The following GALNTL6 variants were observed in gnomAD, a reference collection of about 807,000 sequenced individuals.
GALNTL6 encodes the protein polypeptide N-acetylgalactosaminyltransferase like 6.
GALNTL6 carries 46 observed loss-of-function variants against 73.7 expected under a neutral mutation model. That is an observed-to-expected ratio of 0.62 (90% CI 0.49 to 0.80). The LOEUF (loss-of-function observed/expected upper bound fraction) is 0.80, where lower values mean the gene tolerates loss of function less well. Ranked by LOEUF, GALNTL6 falls within the 30% of genes least tolerant of loss-of-function variation. GALNTL6 has a pLI of 0.00. For missense variants in GALNTL6, 604 were observed against 755.0 expected, an observed-to-expected ratio of 0.80 and a Z score of 2.34; for synonymous variants, 259 against 263.7, an observed-to-expected ratio of 0.98 and a Z score of 0.17.
chr4:172,964,180 G>A (rs1750219877), intron 10 of GALNTL6, among the ~76,000 whole-genome samples: 1 of 152,178 alleles, frequency 6.6e-6, no homozygotes, highest in Non-Finnish European at 1.5e-5. Flanking sequence ...CACATATGGA[G>A]TGCCTCTTTT....
rs140940680 is a variant in GALNTL6, at chr4:173,015,188, T to G, written c.1488+5894T>G. ...TGTGAATGAATTAAACATCTCTCAT[T>G]TATAATTTACTCAGTCTCAGGTATG... On this transcript the variant is annotated intron_variant, in intron 11 of 12. Transcript: ENST00000506823. 2.6e-3 allele frequency among the ~76,000 whole-genome samples: 392 copies of G among 152,332 alleles called. 7 individuals are homozygous for G. The highest frequency in any genetic ancestry group is 1.4e-3 in the Non-Finnish European group (97 of 68,034).
At chr4:171,985,894 C>T (rs901964358) in intron 2 of GALNTL6, among the ~76,000 whole-genome samples, 28 of 151,644 alleles carry the variant, frequency 1.8e-4, no homozygotes, top group Admixed American at 1.6e-3. Flanking sequence ...AAAAATTAGC[C>T]GGGCGTGGTA....
chr4:172,570,379 G>A (rs185949880), intron 5 of GALNTL6, among the ~76,000 whole-genome samples: 2 of 152,186 alleles, frequency 1.3e-5, no homozygotes, highest in Non-Finnish European at 2.9e-5. Flanking sequence ...CCTAATACAA[G>A]TGGATGCTGT....
intron 5 of GALNTL6, among the ~76,000 whole-genome samples, chr4:172,681,509 T>C (rs1579330050): frequency 2.0e-5 from 3 of 152,296 alleles, no homozygotes; most frequent in East Asian, 1.9e-4. Flanking sequence ...ATTAGAAATA[T>C]TAAAATGAAT....
intron 5 of GALNTL6, among the ~76,000 whole-genome samples, chr4:172,782,378 A>C (rs1052651133): frequency 4.6e-5 from 7 of 152,106 alleles, no homozygotes; most frequent in African/African-American, 1.7e-4. Flanking sequence ...GAGAGGAAGC[A>C]ATTATATTTG....
chr4:172,546,788 A>ATATATATACGTATATATACG (rs1182195328), intron 5 of GALNTL6, among the ~76,000 whole-genome samples: 2 of 45,890 alleles, frequency 4.4e-5, no homozygotes, highest in Non-Finnish European at 1.0e-4. Context: ...TCCGCTTTAT[A>ATATATATACGTATATATACG]TATATATACG....
intron 7 of GALNTL6, among the ~76,000 whole-genome samples, chr4:172,848,185 A>T (rs985708147): frequency 1.1e-4 from 16 of 152,174 alleles, no homozygotes; most frequent in African/African-American, 3.4e-4. Flanking sequence ...TCTCGTGTAC[A>T]TGACCCTGAA....
chr4:172,892,855 G>T (rs1425880778), intron 8 of GALNTL6, among the ~76,000 whole-genome samples: 1 of 152,062 alleles, frequency 6.6e-6, no homozygotes, highest in Non-Finnish European at 1.5e-5. Context: ...CTCCCTCAGG[G>T]GCAGCCCAAG....
chr4:172,134,554 GA>G (rs1454912044), intron 2 of GALNTL6, among the ~76,000 whole-genome samples: 3 of 152,100 alleles, frequency 2.0e-5, no homozygotes, highest in Non-Finnish European at 4.4e-5. Flanking sequence ...TATAACATGA[GA>G]AACATGATTG....
chr4:171,841,496 C>T (rs1197130077), intron 2 of GALNTL6, among the ~76,000 whole-genome samples: 1 of 151,952 alleles, frequency 6.6e-6, no homozygotes, highest in African/African-American at 2.4e-5. Flanking sequence ...AAAACATAAA[C>T]AACAAAAATA....
intron 2 of GALNTL6, among the ~76,000 whole-genome samples, chr4:171,833,009 CAA>C (rs1432458127): frequency 6.6e-6 from 1 of 151,604 alleles, no homozygotes; most frequent in Non-Finnish European, 1.5e-5. Flanking sequence ...TAATTTTAAT[CAA>C]TATAAAATAT....
At chr4:172,619,728 C>T (rs925730153) in intron 5 of GALNTL6, among the ~76,000 whole-genome samples, 1 of 152,022 alleles carries the variant, frequency 6.6e-6, no homozygotes, top group Non-Finnish European at 1.5e-5. Context: ...GTTATTTGAT[C>T]CCTGAATTGA....
intron 5 of GALNTL6, among the ~76,000 whole-genome samples, chr4:172,466,208 A>G (rs1231466186): frequency 6.6e-6 from 1 of 152,198 alleles, no homozygotes; most frequent in African/African-American, 2.4e-5. Flanking sequence ...CAAAGCTAAG[A>G]CATCACTTCC....
chr4:172,994,511 A>G (rs185416007), intron 10 of GALNTL6, among the ~76,000 whole-genome samples: 3 of 152,370 alleles, frequency 2.0e-5, no homozygotes, highest in Admixed American at 2.0e-4. Context: ...GGAAGTAGTT[A>G]TACCATGAAA....
chr4:172,311,199 A>G (rs1249935498), intron 3 of GALNTL6, among the ~76,000 whole-genome samples: 1 of 152,180 alleles, frequency 6.6e-6, no homozygotes, highest in Non-Finnish European at 1.5e-5. Context: ...GTAATGGAAA[A>G]ATTAGAAATA....
chr4:171,988,957 T>C (rs11930724), intron 2 of GALNTL6, among the ~76,000 whole-genome samples: 79,421 of 151,304 alleles, frequency 0.52, 22,899 homozygotes, highest in South Asian at 0.76. Flanking sequence ...GGCTGTAGCC[T>C]AGGAATAGTC....
At chr4:172,417,432 C>A (rs906098619) in intron 5 of GALNTL6, among the ~76,000 whole-genome samples, 1 of 152,004 alleles carries the variant, frequency 6.6e-6, no homozygotes, top group African/African-American at 2.4e-5. Flanking sequence ...GATGATGCTT[C>A]TTCCTCTGGG....
intron 2 of GALNTL6, among the ~76,000 whole-genome samples, chr4:172,222,009 ACT>A (rs1736692204): frequency 1.3e-5 from 2 of 151,864 alleles, no homozygotes; most frequent in Non-Finnish European, 3.0e-5. Context: ...GCTTCTGTTT[ACT>A]AACAATTAAT....
intron 2 of GALNTL6, among the ~76,000 whole-genome samples, chr4:171,827,991 T>G (rs1030095952): frequency 4.6e-5 from 7 of 152,204 alleles, no homozygotes; most frequent in African/African-American, 1.7e-4. Context: ...ATGTAGGTAC[T>G]AGTCTATTTT....
Sources: allele counts gnomAD v4.1 joint callset (sites outside exome capture counted in the v4.1 genomes callset), GRCh38; gene constraint gnomAD v4.1.1; transcripts MANE v1.5; gene names NCBI Gene and HGNC (gene_info 2026-07-23, HGNC 2026-07-21).